ACBD6: variants seen among roughly 807,000 people sequenced by gnomAD.
ACBD6 encodes acyl-CoA-binding domain-containing protein 6.
A neutral mutation model predicts 37.2 loss-of-function variants in ACBD6; 28 were observed. The ratio of observed to expected loss-of-function variants is 0.75; its 90% CI spans 0.56 to 1.03. The LOEUF is 1.03. ACBD6 is among the 50% of genes least tolerant of loss of function. The pLI is 0.00. For synonymous variants in ACBD6, 113 were observed against 126.8 expected (o/e 0.89, Z 0.73); for missense variants, 340 against 337.4 (o/e 1.01, Z -0.06).
At chr1:180,393,681 C>T (rs531361057) in intron 6 of ACBD6, among the ~76,000 whole-genome samples, 3 of 152,242 alleles carry the variant, frequency 2.0e-5, no homozygotes, top group Admixed American at 6.5e-5. Context: ...TTATTCTGAG[C>T]GCTAATCTCC....
At chr1:180,385,637 A>C (rs1653819456) in intron 6 of ACBD6, among the ~76,000 whole-genome samples, 1 of 151,972 alleles carries the variant, frequency 6.6e-6, no homozygotes, top group Non-Finnish European at 1.5e-5. Flanking sequence ...AGAGAGAGAC[A>C]CTAGAGATCT....
intron 5 of ACBD6, among the ~76,000 whole-genome samples, chr1:180,403,651 C>G (rs1647483732): frequency 6.6e-6 from 1 of 152,078 alleles, no homozygotes; most frequent in African/African-American, 2.4e-5. Flanking sequence ...TAATTCACAA[C>G]AGTCAAAAGG....
At chr1:180,466,230 G>C (rs1327020606) in intron 3 of ACBD6, among the ~76,000 whole-genome samples, 1 of 152,062 alleles carries the variant, frequency 6.6e-6, no homozygotes, top group Non-Finnish European at 1.5e-5. Flanking sequence ...GTTTAATTTA[G>C]TAAGCTTTGA....
At position 180,300,044 on chromosome 1, in the gene ACBD6, C is replaced by T. The variant is rs115881309; in HGVS notation, c.695-11527G>A. Among the ~76,000 whole-genome samples, 1,198 of 152,170 alleles carry T rather than the reference C, an allele frequency of 7.9e-3. 18 individuals are homozygous for T. Among genetic ancestry groups the T allele is most frequent in the African/African-American group, 0.027 (1,101 of 41,514 alleles). The stretch of plus-strand genomic sequence containing the variant: ...CGATTGGCTCTGACCTAGTTTTAAT[C>T]GGAAGGAGCCAGGATTTACAACCTG... On this transcript the variant is annotated intron_variant, in intron 7 of 7. Coordinates refer to ENST00000367595, the MANE Select transcript of ACBD6 (RefSeq NM_032360.4).
At chr1:180,435,864 C>A in intron 3 of ACBD6, 1 of 1,336,070 alleles carries the variant, frequency 7.5e-7, no homozygotes, top group Non-Finnish European at 1.1e-6. Flanking sequence ...ATCAAATTGA[C>A]ACTGTCAGCT....
chr1:180,294,042 G>A (rs901062266), intron 7 of ACBD6, among the ~76,000 whole-genome samples: 6 of 151,824 alleles, frequency 4.0e-5, no homozygotes, highest in East Asian at 3.9e-4. Context: ...TTACAGGTGC[G>A]CACCACCACA....
intron 5 of ACBD6, among the ~76,000 whole-genome samples, chr1:180,400,386 T>C (rs1216291683): frequency 6.6e-6 from 1 of 152,228 alleles, no homozygotes; most frequent in Non-Finnish European, 1.5e-5. Context: ...TGTAACACAT[T>C]ATTTTAATGG....
In ACBD6 at chr1:180,492,382, C is replaced by T. The variant is rs370819457; in HGVS notation, c.288-17G>A. 265 of 1,592,998 alleles carry T rather than the reference C, an allele frequency of 1.7e-4. 2 individuals are homozygous for T. Among genetic ancestry groups the T allele is most frequent in the Middle Eastern group, 5.0e-4 (3 of 6,048 alleles). Reference sequence around the variant, plus strand: ...CAAGCTTCCCTACAATATGGAATATCCAAAATGGCCTGTCATTATGCAAAT... The same window carrying T: ...CAAGCTTCCCTACAATATGGAATATTCAAAATGGCCTGTCATTATGCAAAT... On this transcript the variant is annotated splice_polypyrimidine_tract_variant and intron_variant, in intron 2 of 7. Transcript: ENST00000367595.
Position 180,502,433 on chromosome 1 carries a change from T to C in ACBD6, c.-167A>G, listed in dbSNP as rs1177877182. 4 of 731,772 alleles carry C rather than the reference T, an allele frequency of 5.5e-6. No individual in the cohort carries two copies. In the Admixed American group the frequency reaches 6.2e-5, roughly 11 times the overall value. The allele number at this position is 731,772 out of a possible 1,614,324, so 45.3% of individuals were successfully genotyped here. On this transcript the variant is annotated 5_prime_UTR_variant, in exon 1 of 8. Transcript: ENST00000367595. The stretch of plus-strand genomic sequence containing the variant: ...TCACGTGACCCTGCTCCCTGCCCAC[T>C]TCTACTCCCTGGGCGTGCAGAGCAG...
chr1:180,295,252 G>C (rs1432736063), intron 7 of ACBD6, among the ~76,000 whole-genome samples: 1 of 149,128 alleles, frequency 6.7e-6, no homozygotes, highest in East Asian at 2.0e-4. Flanking sequence ...TTAAAGCACT[G>C]GTTTAGCTGC....
rs560905137 is a variant in ACBD6 at position 180,271,713 on chromosome 1, A to C, written c.*1512T>G. 5.4e-6 allele frequency: 7 copies of C among 1,299,460 alleles called. No individual in the cohort carries two copies. The African/African-American group carries it at 1.0e-4, about 19-fold the overall frequency. 80.5% of individuals were successfully genotyped at this position (1,299,460 alleles called of 1,614,324 possible). A position where few individuals can be genotyped will look rare whatever the true frequency, so the allele number is the denominator to read the frequency against. On this transcript the variant is annotated 3_prime_UTR_variant, in exon 14 of 14. Coordinates refer to the ACBD6 transcript ENST00000642319. ...GGGGAGAGGGGGTGGGGCGCATCGC[A>C]CTCCCAGACCTGTGCTCCATTCAGG...
intron 6 of ACBD6, among the ~76,000 whole-genome samples, chr1:180,352,627 G>GT (rs1465520460): frequency 6.6e-6 from 1 of 152,318 alleles, no homozygotes; most frequent in African/African-American, 2.4e-5. Flanking sequence ...GTGAGAGACA[G>GT]TAAGGGTAAA....
chr1:180,305,946 T>G (rs1440372811), intron 7 of ACBD6, among the ~76,000 whole-genome samples: 1 of 151,928 alleles, frequency 6.6e-6, no homozygotes, highest in Non-Finnish European at 1.5e-5. Flanking sequence ...ATGTCCTTTG[T>G]AGTGACATGG....
chr1:180,299,048 GT>G (rs113230303), intron 7 of ACBD6, among the ~76,000 whole-genome samples: 6,607 of 152,200 alleles, frequency 0.043, 453 homozygotes, highest in African/African-American at 0.14. Flanking sequence ...AATATGCTTT[GT>G]ACCCCACAAT....
At chr1:180,450,110 T>C (rs1266451803) in intron 3 of ACBD6, among the ~76,000 whole-genome samples, 2 of 151,820 alleles carry the variant, frequency 1.3e-5, no homozygotes, top group East Asian at 1.9e-4. Flanking sequence ...ACAACAGACA[T>C]TGCATAACAG....
intron 7 of ACBD6, among the ~76,000 whole-genome samples, chr1:180,297,792 G>A (rs1179238388): frequency 6.6e-6 from 1 of 152,184 alleles, no homozygotes; most frequent in Non-Finnish European, 1.5e-5. Context: ...CCAGGCTGGA[G>A]TGCAATGGCA....
chr1:180,433,574 CTGTGTGTGTGTGTGTGTGTGTGTG>C (rs61101474), intron 3 of ACBD6, among the ~76,000 whole-genome samples: 1 of 149,720 alleles, frequency 6.7e-6, no homozygotes, highest in Non-Finnish European at 1.5e-5. Flanking sequence ...TGGTGTTATG[CTGTGTGTGTGTGTGTGTGTGTGTG>C]TGTGTGTGTG....
intron 6 of ACBD6, among the ~76,000 whole-genome samples, chr1:180,361,796 T>C (rs995603302): frequency 2.0e-5 from 3 of 152,238 alleles, no homozygotes; most frequent in East Asian, 1.9e-4. Context: ...ATGGATTACA[T>C]ACATCCTTAG....
intron 3 of ACBD6, among the ~76,000 whole-genome samples, chr1:180,469,885 T>C (rs1301007357): frequency 6.6e-6 from 1 of 152,200 alleles, no homozygotes; most frequent in Non-Finnish European, 1.5e-5. Context: ...CATTGCACTC[T>C]ACAGTTTACA....
Sources: allele counts gnomAD v4.1 joint callset (sites outside exome capture counted in the v4.1 genomes callset), GRCh38; gene constraint gnomAD v4.1.1; transcripts MANE v1.5; gene names NCBI Gene and HGNC (gene_info 2026-07-23, HGNC 2026-07-21).